DGKD: variants seen among roughly 807,000 people sequenced by gnomAD.
The protein encoded by DGKD is diacylglycerol kinase delta, also known as DAG kinase delta.
In DGKD, 68 loss-of-function variants were observed where a neutral mutation model predicts 154.4. The observed-to-expected ratio is 0.44, with a 90% confidence interval of 0.36 to 0.54. DGKD has a LOEUF of 0.54. Ranked by LOEUF, DGKD falls within the 20% of genes least tolerant of loss-of-function variation. The pLI is 0.00. For synonymous variants in DGKD, 693 were observed against 638.0 expected, an observed-to-expected ratio of 1.09 and a Z score of -1.30; for missense variants, 1,343 against 1,593.6, an observed-to-expected ratio of 0.84 and a Z score of 2.68.
Position 233,373,267 on chromosome 2 carries a change from G to A in DGKD, c.157-14990G>A, listed in dbSNP as rs138239621. Among the ~76,000 whole-genome samples, 481 of 152,354 alleles carry A rather than the reference G, an allele frequency of 3.2e-3. 1 individual carries two copies. The highest frequency in any genetic ancestry group is 0.011 in the African/African-American group (448 of 41,586). The stretch of plus-strand genomic sequence containing the variant: ...TTTACAGAATGCGTTTCAGCAGTGT[G>A]TAAAACACTGGAAATAAGATGGAAT... On this transcript the variant is annotated intron_variant, in intron 1 of 29. Transcript: ENST00000264057.
In DGKD at chr2:233,435,908, T is replaced by C. The variant is rs2062675922; in HGVS notation, c.677T>C (p.Ile226Thr). 1.2e-6 allele frequency: 2 copies of C among 1,610,432 alleles called. No individual in the cohort carries two copies. Among genetic ancestry groups the C allele is most frequent in the African/African-American group, 1.3e-5 (1 of 74,828 alleles). Residue 226 changes from isoleucine (I) to threonine (T), a missense_variant, in exon 6 of 30, where the codon ATT (isoleucine) becomes ACT (threonine). Physicochemically the swap from Ile to Thr is moderately conservative, Grantham distance 89 (BLOSUM62 -1). Transcript: ENST00000264057. ...CTGGCCTCGATCGGGAAGGACATCA[T>C]TGAAGATGCAGATGGGGTATGTTAA... ...TTLASIGKDIIEDADGIAMPH... is the reference protein window; with the variant it reads ...TTLASIGKDITEDADGIAMPH...
chr2:233,459,250 A>C lies in DGKD; in HGVS notation c.2695-507A>C, dbSNP rs2063549113. On this transcript the variant is annotated intron_variant, in intron 22 of 29. Transcript: ENST00000264057. The surrounding 1 kb of genome is among the most constrained non-coding windows in gnomAD (Gnocchi z 5.7). ...TGATGACACCCACTGGCTGAACCCC[A>C]CCCTGCGACTGTCTGGTGTCTTCCA... is the stretch of plus-strand genomic sequence containing the variant. Among the ~76,000 whole-genome samples, 1 of 152,066 alleles carries C rather than the reference A, an allele frequency of 6.6e-6. No homozygotes were observed. Among genetic ancestry groups the C allele is most frequent in the African/African-American group, 2.4e-5 (1 of 41,400 alleles).
At chr2:233,447,860 T>G in intron 12 of DGKD, 1 of 1,371,222 alleles carries the variant, frequency 7.3e-7, no homozygotes. Flanking sequence ...ATTTGCAGTT[T>G]GCCTGCAGCT....
rs2062770960 is a variant in DGKD at position 233,438,440 on chromosome 2, C to T, written c.1085+61C>T. On this transcript the variant is annotated intron_variant, in intron 9 of 29. Transcript: ENST00000264057. This position sits in a 1 kb window ranked among gnomAD's most constrained non-coding sequence, Gnocchi z 4.1. Reference sequence around the variant, plus strand: ...TTAAAAATTGTGTAGATAGTGTGTGCTTGTTAAAAAAAAAAAGTTCAAAGA... The same window carrying T: ...TTAAAAATTGTGTAGATAGTGTGTGTTTGTTAAAAAAAAAAAGTTCAAAGA... 8 of 1,481,466 alleles carry T rather than the reference C, an allele frequency of 5.4e-6. No individual in the cohort carries two copies. Among genetic ancestry groups the T allele is most frequent in the Admixed American group, 4.6e-5 (2 of 43,872 alleles). 91.8% of individuals were successfully genotyped at this position (1,481,466 alleles called of 1,614,324 possible). A position where few individuals can be genotyped will look rare whatever the true frequency, so the allele number is the denominator to read the frequency against.
rs754170239 is a variant in DGKD at position 233,468,448 on chromosome 2, T to G, written c.3450T>G (p.Val1150=). The G allele has an allele frequency of 1.9e-6, 3 of 1,613,510 alleles. No homozygotes were observed. The highest frequency in any genetic ancestry group is 2.5e-6 in the Non-Finnish European group (3 of 1,179,920). Residue 1150 remains valine (V), a synonymous_variant, in exon 29 of 30, where the codon GTT becomes GTG. Transcript: ENST00000264057. The part of the protein sequence containing the change: ...APVHLWGTEE[V]AAWLEHLSLC... ...TTCACCTCTGGGGGACAGAGGAGGTTGCTGCCTGGCTGGAGCACCTCAGTC... is the reference window on the plus strand; with the variant it reads ...TTCACCTCTGGGGGACAGAGGAGGTGGCTGCCTGGCTGGAGCACCTCAGTC...
Position 233,469,404 on chromosome 2 carries a change from A to G in DGKD, c.3589A>G (p.Arg1197Gly), listed in dbSNP as rs775774369. The G allele has an allele frequency of 1.2e-6, 2 of 1,612,038 alleles. No homozygotes were observed. The highest frequency in any genetic ancestry group is 1.7e-6 in the Non-Finnish European group (2 of 1,179,338). Residue 1197 changes from arginine to glycine, a missense_variant, in exon 30 of 30, where the codon AGG (arginine) becomes GGG (glycine). Transcript: ENST00000264057. ...LGVTKVGHMK[R>G]ILCGIKELSR... ...CGTGACCAAGGTGGGCCACATGAAGAGGATCCTGTGTGGCATCAAGGAGCT... is the reference window on the plus strand; with the variant it reads ...CGTGACCAAGGTGGGCCACATGAAGGGGATCCTGTGTGGCATCAAGGAGCT...
chr2:233,398,849 C>A (rs1186014223), intron 3 of DGKD, among the ~76,000 whole-genome samples: 4 of 152,132 alleles, frequency 2.6e-5, no homozygotes, highest in African/African-American at 7.2e-5. Flanking sequence ...GTCTTGAACT[C>A]CTGAGCTCAA....
intron 1 of DGKD, among the ~76,000 whole-genome samples, chr2:233,376,183 G>C (rs1574997631): frequency 1.3e-5 from 2 of 152,280 alleles, no homozygotes; most frequent in African/African-American, 4.8e-5. Flanking sequence ...ATGGGTTTGT[G>C]CATAAATTCA....
At chr2:233,435,752 C>G (rs2062670370) in intron 5 of DGKD, 66 bp from the exon 6 acceptor site, 1 of 1,488,514 alleles carries the variant, frequency 6.7e-7, no homozygotes, top group South Asian at 1.2e-5. Context: ...TCTCACAACA[C>G]TGCTCAGCAT....
At chr2:233,367,851 CTTTTTT>C (rs66652929) in intron 1 of DGKD, among the ~76,000 whole-genome samples, 1 of 124,060 alleles carries the variant, frequency 8.1e-6, no homozygotes, top group Admixed American at 8.1e-5. Context: ...TTTTTTTTTT[CTTTTTT>C]TTTTTTTTTT....
intron 3 of DGKD, among the ~76,000 whole-genome samples, chr2:233,390,732 G>A (rs541995530): frequency 3.9e-5 from 6 of 152,252 alleles, no homozygotes; most frequent in Non-Finnish European, 5.9e-5. Context: ...TTTGGTTCAC[G>A]TCTGTTTTGT....
intron 3 of DGKD, among the ~76,000 whole-genome samples, chr2:233,423,076 A>G (rs908111817): frequency 1.3e-5 from 2 of 152,184 alleles, no homozygotes; most frequent in Non-Finnish European, 2.9e-5. Flanking sequence ...ATTGAGGTTG[A>G]TGAGTCTTAT....
intron 27 of DGKD, 28 bp downstream of exon 27, chr2:233,464,311 G>T (rs906930689): frequency 3.7e-6 from 6 of 1,609,808 alleles, no homozygotes; most frequent in Non-Finnish European, 5.1e-6. Flanking sequence ...CTGTGCCTGG[G>T]TCTCCCGGAC....
intron 24 of DGKD, among the ~76,000 whole-genome samples, chr2:233,460,935 G>A (rs555786930): frequency 5.9e-5 from 9 of 151,468 alleles, no homozygotes; most frequent in East Asian, 3.9e-4. Context: ...CCTGGCTCCC[G>A]AGGGCAGCCC....
intron 3 of DGKD, among the ~76,000 whole-genome samples, chr2:233,414,773 G>A (rs2061918349): frequency 1.3e-5 from 2 of 152,200 alleles, no homozygotes; most frequent in African/African-American, 2.4e-5. Context: ...CTTAGAGTTA[G>A]TTTTGGGGGA....
In DGKD at chr2:233,354,979, G is replaced by A. The variant is rs1002086766; in HGVS notation, c.156+305G>A. Among the ~76,000 whole-genome samples, 4 of 151,016 alleles carry A rather than the reference G, an allele frequency of 2.6e-5. No homozygotes were observed. Among genetic ancestry groups the A allele is most frequent in the African/African-American group, 9.7e-5 (4 of 41,236 alleles). On this transcript the variant is annotated intron_variant, in intron 1 of 29. Coordinates refer to ENST00000264057, the MANE Select transcript of DGKD (RefSeq NM_152879.3). This position sits in a 1 kb window ranked among gnomAD's most constrained non-coding sequence, Gnocchi z 4.8. ...CGAGTTGGGCCGCGAGGACCCGGAGGAAACTGAGGCCTAGATGCAGGGGAC... is the reference window on the plus strand; with the variant it reads ...CGAGTTGGGCCGCGAGGACCCGGAGAAAACTGAGGCCTAGATGCAGGGGAC...
Position 233,471,750 on chromosome 2 carries a change from T to C in DGKD, c.*2290T>C, listed in dbSNP as rs545232436. On this transcript the variant is annotated 3_prime_UTR_variant, in exon 30 of 30. Coordinates refer to ENST00000264057, the MANE Select transcript of DGKD (RefSeq NM_152879.3). ...TTAGAATGTGAGGAAGGAATGAACA[T>C]GAGTGTTTAGGAACCTGCCCTTTGG... The C allele has an allele frequency of 6.6e-6, 1 of 152,528 alleles. No individual in the cohort carries two copies. The highest frequency in any genetic ancestry group is 2.1e-4 in the South Asian group (1 of 4,834). 9.4% of individuals were successfully genotyped at this position (152,528 alleles called of 1,614,324 possible).
chr2:233,395,885 G>C (rs1703990271), intron 3 of DGKD, among the ~76,000 whole-genome samples: 1 of 152,044 alleles, frequency 6.6e-6, no homozygotes, highest in South Asian at 2.1e-4. Context: ...CCCATATGGT[G>C]ACATCCTTTT....
At chr2:233,396,977 G>A (rs1470261428) in intron 3 of DGKD, among the ~76,000 whole-genome samples, 4 of 124,702 alleles carry the variant, frequency 3.2e-5, no homozygotes, top group Admixed American at 7.8e-5. Context: ...GTGGCTGGGG[G>A]GGGCAGAGCG....
Sources: gnomAD v4.1 joint callset for allele counts (sites outside exome capture counted in the v4.1 genomes callset) on GRCh38, gnomAD v4.1.1 for gene constraint, Gnocchi (gnomAD v3.1) non-coding constraint, MANE v1.5 for transcripts, NCBI Gene and HGNC (gene_info 2026-07-23, HGNC 2026-07-21) for gene names.